The following SPOCK3 variants were observed in gnomAD, a reference collection of about 807,000 sequenced individuals.
SPOCK3 encodes testican-3.
A neutral mutation model predicts 56.6 loss-of-function variants in SPOCK3; 30 were observed. The ratio of observed to expected loss-of-function variants is 0.53; its 90% confidence interval spans 0.40 to 0.72. The LOEUF is 0.72. SPOCK3 is among the 30% of genes least tolerant of loss of function. The pLI, the probability that SPOCK3 is intolerant of heterozygous loss-of-function variation, is 0.00. For missense variants in SPOCK3, 527 were observed against 530.0 expected (o/e 0.99, Z 0.06); for synonymous variants, 196 against 183.3 (o/e 1.07, Z -0.56).
chr4:167,084,849 A>G (rs1444727103), intron 2 of SPOCK3, among the ~76,000 whole-genome samples: 1 of 152,134 alleles, frequency 6.6e-6, no homozygotes, highest in African/African-American at 2.4e-5. Context: ...TTATAAATAT[A>G]TTAAAAATGA....
chr4:167,131,806 T>C (rs1314641231), intron 2 of SPOCK3, among the ~76,000 whole-genome samples: 1 of 152,154 alleles, frequency 6.6e-6, no homozygotes, highest in East Asian at 1.9e-4. Flanking sequence ...AGAATTTTTT[T>C]AACGCTGCAA....
chr4:166,850,620 C>T (rs574749673), intron 6 of SPOCK3, among the ~76,000 whole-genome samples: 183 of 152,278 alleles, frequency 1.2e-3, no homozygotes, highest in Non-Finnish European at 2.2e-3. Context: ...GCACCGTGCG[C>T]GAGCCAAAGC....
intron 4 of SPOCK3, among the ~76,000 whole-genome samples, chr4:166,976,001 A>G (rs1392850931): frequency 6.6e-6 from 1 of 152,092 alleles, no homozygotes; most frequent in East Asian, 1.9e-4. Context: ...TCTTTTCAAT[A>G]GACTTCCTTT....
At chr4:166,805,226 T>G (rs1743033432) in intron 6 of SPOCK3, among the ~76,000 whole-genome samples, 1 of 152,068 alleles carries the variant, frequency 6.6e-6, no homozygotes, top group Admixed American at 6.6e-5. Flanking sequence ...ATCTCTAAAA[T>G]TATTGGATGG....
intron 2 of SPOCK3, among the ~76,000 whole-genome samples, chr4:167,145,312 A>G (rs900065273): frequency 6.6e-6 from 1 of 152,248 alleles, no homozygotes. Flanking sequence ...TATGAACTTG[A>G]AGAAACCTAT....
chr4:166,995,213 T>A (rs1748223897), intron 4 of SPOCK3, among the ~76,000 whole-genome samples: 1 of 149,062 alleles, frequency 6.7e-6, no homozygotes, highest in Admixed American at 6.9e-5. Flanking sequence ...ATTGTAAGAT[T>A]AAATGAATTA....
intron 2 of SPOCK3, among the ~76,000 whole-genome samples, chr4:167,181,710 A>T (rs1731470198): frequency 6.6e-6 from 1 of 152,204 alleles, no homozygotes; most frequent in Admixed American, 6.5e-5. Context: ...CTTTAATTAA[A>T]TAAACATATG....
At chr4:167,176,420 C>T (rs759018585) in intron 2 of SPOCK3, among the ~76,000 whole-genome samples, 2 of 152,028 alleles carry the variant, frequency 1.3e-5, no homozygotes, top group Non-Finnish European at 2.9e-5. Context: ...CTTCATCTTC[C>T]CAACCACTTT....
chr4:167,175,658 A>C (rs1730920453), intron 2 of SPOCK3, among the ~76,000 whole-genome samples: 1 of 152,096 alleles, frequency 6.6e-6, no homozygotes, highest in South Asian at 2.1e-4. Flanking sequence ...GATGCTGTGG[A>C]GGCTTGGGAA....
chr4:166,913,361 G>A (rs1354328460), intron 4 of SPOCK3, among the ~76,000 whole-genome samples: 10 of 152,144 alleles, frequency 6.6e-5, no homozygotes, highest in Non-Finnish European at 1.5e-4. Context: ...CTACACTTAC[G>A]ATTGTTTGTT....
At chr4:166,740,493 C>CTTATTATTA (rs71604445) in intron 9 of SPOCK3, among the ~76,000 whole-genome samples, 456 of 135,352 alleles carry the variant, frequency 3.4e-3, no homozygotes, top group Middle Eastern at 0.011. Context: ...TATATAAGAA[C>CTTATTATTA]TTATTATTAT....
chr4:166,875,901 T>C (rs895052524), intron 6 of SPOCK3, among the ~76,000 whole-genome samples: 2 of 152,218 alleles, frequency 1.3e-5, no homozygotes, highest in African/African-American at 4.8e-5. Context: ...GACAGTTTAC[T>C]ACTCATGGCA....
intron 3 of SPOCK3, among the ~76,000 whole-genome samples, chr4:167,042,938 T>G (rs1409954587): frequency 6.6e-6 from 1 of 152,124 alleles, no homozygotes; most frequent in East Asian, 1.9e-4. Flanking sequence ...TGGCAGCAGA[T>G]TATCCTGTTT....
intron 6 of SPOCK3, among the ~76,000 whole-genome samples, chr4:166,876,829 T>A (rs1013126269): frequency 6.6e-6 from 1 of 152,046 alleles, no homozygotes; most frequent in Admixed American, 6.5e-5. Flanking sequence ...TGTTGCAAAA[T>A]TAAGGGTGCT....
chr4:167,196,773 C>T (rs184112986), intron 2 of SPOCK3, among the ~76,000 whole-genome samples: 22 of 152,138 alleles, frequency 1.4e-4, no homozygotes, highest in African/African-American at 5.1e-4. Context: ...CTCTTGACTC[C>T]TAGGAGCCAC....
At chr4:166,804,912 T>C (rs1742994325) in intron 6 of SPOCK3, among the ~76,000 whole-genome samples, 1 of 152,082 alleles carries the variant, frequency 6.6e-6, no homozygotes, top group Non-Finnish European at 1.5e-5. Flanking sequence ...GAGGAAATGT[T>C]CCAAAGTCAA....
At chr4:167,170,096 A>G (rs1028332549) in intron 2 of SPOCK3, among the ~76,000 whole-genome samples, 1 of 152,164 alleles carries the variant, frequency 6.6e-6, no homozygotes, top group African/African-American at 2.4e-5. Context: ...TAATACAAAC[A>G]GTATATTTAA....
intron 2 of SPOCK3, among the ~76,000 whole-genome samples, chr4:167,073,704 C>T (rs537124519): frequency 1.3e-5 from 2 of 151,728 alleles, no homozygotes; most frequent in Non-Finnish European, 2.9e-5. Flanking sequence ...TTTTAAGATG[C>T]TATTTTTAAT....
intron 4 of SPOCK3, among the ~76,000 whole-genome samples, chr4:166,927,364 G>A (rs1739231690): frequency 6.6e-6 from 1 of 152,072 alleles, no homozygotes; most frequent in Non-Finnish European, 1.5e-5. Context: ...TTTTATAAGG[G>A]GTTTCCACTT....
Sources: allele counts gnomAD v4.1 joint callset (sites outside exome capture counted in the v4.1 genomes callset), GRCh38; gene constraint gnomAD v4.1.1; transcripts MANE v1.5; gene names NCBI Gene and HGNC (gene_info 2026-07-23, HGNC 2026-07-21).